MAP2K5: variants seen among roughly 807,000 people sequenced by gnomAD.
MAP2K5 encodes the protein mitogen-activated protein kinase kinase 5.
Under a neutral mutation model 83.1 loss-of-function variants are expected in MAP2K5, and 49 were observed. The ratio of observed to expected loss-of-function variants is 0.59; its 90% CI spans 0.47 to 0.75. MAP2K5 has a LOEUF of 0.75. Among genes scored for constraint, MAP2K5 ranks in the 30% least tolerant of loss-of-function variants. The probability of loss-of-function intolerance (pLI) is 0.00; values close to 1 mark genes in which losing one functional copy is unlikely to be tolerated. For synonymous variants in MAP2K5, 202 were observed against 191.8 expected (o/e 1.05, Z -0.44); for missense variants, 457 against 557.5 (o/e 0.82, Z 1.82).
chr15:67,748,706 C>T lies in MAP2K5; in HGVS notation c.1134+105C>T. The T allele has an allele frequency of 9.3e-7, 1 of 1,080,158 alleles. No homozygotes were observed. The highest frequency in any genetic ancestry group is 1.9e-5 in the Admixed American group (1 of 52,936). The allele number at this position is 1,080,158 out of a possible 1,614,324, so 66.9% of individuals were successfully genotyped here. On this transcript the variant is annotated intron_variant, in intron 19 of 21. Coordinates refer to ENST00000178640, the MANE Select transcript of MAP2K5 (RefSeq NM_145160.3). The surrounding 1 kb of genome is among the most constrained non-coding windows in gnomAD (Gnocchi z 4.0). ...AGCACAATGCCCAACATCCTTGGAG[C>T]AAGTTGTGTTGTATGGCTCTGAGCT...
Position 67,748,809 on chromosome 15 carries a change from C to T in MAP2K5, c.1134+208C>T, listed in dbSNP as rs190689108. 2.0e-5 allele frequency among the ~76,000 whole-genome samples: 3 copies of T among 152,274 alleles called. No individual in the cohort carries two copies. Among genetic ancestry groups the T allele is most frequent in the South Asian group, 2.1e-4 (1 of 4,824 alleles). ...GAAACCCTGCAAAAACAGACTATCCCGCAGGCTGGTCCTCAGGGGCATCAG... is the reference window on the plus strand; with the variant it reads ...GAAACCCTGCAAAAACAGACTATCCTGCAGGCTGGTCCTCAGGGGCATCAG... On this transcript the variant is annotated intron_variant, in intron 19 of 21. Transcript: ENST00000178640. The surrounding 1 kb of genome is among the most constrained non-coding windows in gnomAD (Gnocchi z 4.0).
intron 4 of MAP2K5, among the ~76,000 whole-genome samples, chr15:67,583,500 G>A (rs2085226927): frequency 6.6e-6 from 1 of 151,950 alleles, no homozygotes; most frequent in South Asian, 2.1e-4. Flanking sequence ...TGGTGTAATT[G>A]TTTCTAGTTT....
At position 67,557,446 on chromosome 15, in the gene MAP2K5, T is replaced by C. The variant is rs1596555114; in HGVS notation, c.185-5837T>C. On this transcript the variant is annotated intron_variant, in intron 2 of 21. Transcript: ENST00000178640. The stretch of plus-strand genomic sequence containing the variant: ...ACTTGTCAAACCGTGTGTCTGAGTT[T>C]GGTTCAGAAAACATGGTTATAGAAT... Among the ~76,000 whole-genome samples, 4 of 152,362 alleles carry C rather than the reference T, an allele frequency of 2.6e-5. No homozygotes were observed. The South Asian group carries it at 8.3e-4, about 32-fold the overall frequency.
chr15:67,705,667 C>T (rs1438257083), intron 16 of MAP2K5, among the ~76,000 whole-genome samples: 4 of 151,708 alleles, frequency 2.6e-5, no homozygotes, highest in Non-Finnish European at 4.4e-5. Context: ...ACCCAGGAGG[C>T]GGAGGTTGTG....
chr15:67,741,527 T>C (rs1055939276), intron 17 of MAP2K5, among the ~76,000 whole-genome samples: 5 of 152,162 alleles, frequency 3.3e-5, no homozygotes, highest in South Asian at 2.1e-4. Flanking sequence ...TGCAGTTTCA[T>C]TGGACCAGTT....
rs1481425334 is a variant in MAP2K5, at chr15:67,561,943, A to G, written c.185-1340A>G. ...CTGAACTCCCTCTGTACTTTCAGTA[A>G]GCATCCCCTGACCATGTTGGGCAAG... On this transcript the variant is annotated intron_variant, in intron 2 of 21. Coordinates refer to ENST00000178640, the MANE Select transcript of MAP2K5 (RefSeq NM_145160.3). The surrounding 1 kb of genome is among the most constrained non-coding windows in gnomAD (Gnocchi z 4.2). Among the ~76,000 whole-genome samples the G allele has an allele frequency of 2.6e-5, 4 of 152,210 alleles. No individual in the cohort carries two copies. Among genetic ancestry groups the G allele is most frequent in the Non-Finnish European group, 5.9e-5 (4 of 68,044 alleles).
intron 13 of MAP2K5, among the ~76,000 whole-genome samples, chr15:67,681,602 T>C (rs572247880): frequency 1.5e-4 from 23 of 152,396 alleles, no homozygotes; most frequent in African/African-American, 5.5e-4. Context: ...ATTTCCAAAA[T>C]GATAGTCATC....
In MAP2K5 at chr15:67,543,184, C is replaced by T; in HGVS notation, c.-152C>T. 1 of 749,464 alleles carries T rather than the reference C, an allele frequency of 1.3e-6. No homozygotes were observed. Among genetic ancestry groups the T allele is most frequent in the Middle Eastern group, 3.8e-4 (1 of 2,632 alleles). The allele number at this position is 749,464 out of a possible 1,614,324, so 46.4% of individuals were successfully genotyped here. ...TGCCTGCGGGTGCGTTCCTGATCAC[C>T]CCTCCCCTCTTCCCTCCCCCTCATC... On this transcript the variant is annotated 5_prime_UTR_variant, in exon 1 of 22. Transcript: ENST00000178640. The surrounding 1 kb of genome is among the most constrained non-coding windows in gnomAD (Gnocchi z 4.3).
chr15:67,789,726 A>G (rs556742827), intron 21 of MAP2K5, among the ~76,000 whole-genome samples: 1 of 152,254 alleles, frequency 6.6e-6, no homozygotes, highest in South Asian at 2.1e-4. Context: ...AAAAAAAAAA[A>G]AGGATCTAAT....
intron 3 of MAP2K5, among the ~76,000 whole-genome samples, chr15:67,575,862 ATCTC>A (rs1319022666): frequency 2.0e-5 from 3 of 147,644 alleles, no homozygotes; most frequent in African/African-American, 5.1e-5. Context: ...CTCTATCTCT[ATCTC>A]TCTATCTCTG....
rs2084753361 is a variant in MAP2K5, at chr15:67,562,301, A to G, written c.185-982A>G. On this transcript the variant is annotated intron_variant, in intron 2 of 21. Transcript: ENST00000178640. This position sits in a 1 kb window ranked among gnomAD's most constrained non-coding sequence, Gnocchi z 4.1. ...TTGGAAATAGCCATAAGTCATTCTT[A>G]GACATGCTTGGCAGATGATGTGGGT... Among the ~76,000 whole-genome samples the G allele has an allele frequency of 6.6e-6, 1 of 152,220 alleles. No homozygotes were observed. The highest frequency in any genetic ancestry group is 2.4e-5 in the African/African-American group (1 of 41,456).
At chr15:67,721,780 C>T (rs1391685486) in intron 16 of MAP2K5, among the ~76,000 whole-genome samples, 1 of 152,156 alleles carries the variant, frequency 6.6e-6, no homozygotes, top group African/African-American at 2.4e-5. Context: ...TGTGGGTTCA[C>T]TATATTCTCT....
At chr15:67,579,281 A>G (rs1008056318) in intron 3 of MAP2K5, among the ~76,000 whole-genome samples, 1 of 152,158 alleles carries the variant, frequency 6.6e-6, no homozygotes, top group Non-Finnish European at 1.5e-5. Context: ...AGGACAAGTC[A>G]TTTTCGGACA....
chr15:67,663,478 G>A (rs1038363741), intron 12 of MAP2K5, among the ~76,000 whole-genome samples: 5 of 151,826 alleles, frequency 3.3e-5, no homozygotes, highest in Non-Finnish European at 5.9e-5. Flanking sequence ...AGTTAAATCC[G>A]TTACTCAAGA....
chr15:67,714,446 A>C lies in MAP2K5; in HGVS notation c.1044+11038A>C, dbSNP rs866386161. 4.9e-3 allele frequency among the ~76,000 whole-genome samples: 585 copies of C among 119,638 alleles called. 2 individuals carry two copies. Among genetic ancestry groups the C allele is most frequent in the Middle Eastern group, 0.03 (7 of 234 alleles). 78.5% of individuals were successfully genotyped at this position (119,638 alleles called of 152,430 possible). A position where few individuals can be genotyped will look rare whatever the true frequency, so the allele number is the denominator to read the frequency against. On this transcript the variant is annotated intron_variant, in intron 16 of 21. Transcript: ENST00000178640. ...AAAAAAAAAAAAAAAAAAAAAAAAA[A>C]AAAAAAAAACCACCACCCTGACACA...
intron 3 of MAP2K5, among the ~76,000 whole-genome samples, chr15:67,571,428 G>T (rs571528637): frequency 6.6e-6 from 1 of 152,174 alleles, no homozygotes; most frequent in African/African-American, 2.4e-5. Flanking sequence ...GGGAAGGGAG[G>T]GGATACTGAC....
At chr15:67,684,961 C>G (rs1231548515) in intron 13 of MAP2K5, among the ~76,000 whole-genome samples, 1 of 151,952 alleles carries the variant, frequency 6.6e-6, no homozygotes, top group Non-Finnish European at 1.5e-5. Flanking sequence ...CTTTGAGACA[C>G]TATCAAGAAG....
At chr15:67,740,031 A>G (rs2141263499) in intron 17 of MAP2K5, among the ~76,000 whole-genome samples, 1 of 152,290 alleles carries the variant, frequency 6.6e-6, no homozygotes, top group East Asian at 1.9e-4. Flanking sequence ...TGAGGGAAGA[A>G]AGCAAAACTC....
chr15:67,764,376 C>T lies in MAP2K5; in HGVS notation c.1135-5226C>T, dbSNP rs540191575. Among the ~76,000 whole-genome samples the T allele has an allele frequency of 2.0e-4, 30 of 152,198 alleles. No homozygotes were observed. Among genetic ancestry groups the T allele is most frequent in the Admixed American group, 3.9e-4 (6 of 15,270 alleles). On this transcript the variant is annotated intron_variant, in intron 19 of 21. Coordinates refer to ENST00000178640, the MANE Select transcript of MAP2K5 (RefSeq NM_145160.3). This position sits in a 1 kb window ranked among gnomAD's most constrained non-coding sequence, Gnocchi z 4.9. ...AGGAGAGCAAAGAAGGTATCTCACA[C>T]GCTGCAGACTCTTTTACTTTATGCC...
Sources: allele counts gnomAD v4.1 joint callset (sites outside exome capture counted in the v4.1 genomes callset), GRCh38; gene constraint gnomAD v4.1.1; non-coding constraint Gnocchi (gnomAD v3.1); transcripts MANE v1.5; gene names NCBI Gene and HGNC (gene_info 2026-07-23, HGNC 2026-07-21).